The following POSTN variants were observed in gnomAD, a reference collection of about 807,000 sequenced individuals.
POSTN encodes periostin.
Under a neutral mutation model 104.5 loss-of-function variants are expected in POSTN, and 71 were observed. The observed-to-expected ratio is 0.68, with a 90% CI of 0.56 to 0.83. The LOEUF (loss-of-function observed/expected upper bound fraction) is 0.83. Ranked by LOEUF, POSTN falls within the 40% of genes least tolerant of loss-of-function variation. POSTN has a pLI of 0.00. For missense variants in POSTN, 949 were observed against 1,006.8 expected, an observed-to-expected ratio of 0.94 and a Z score of 0.78; for synonymous variants, 355 against 340.7, an observed-to-expected ratio of 1.04 and a Z score of -0.46.
chr13:37,577,827 A>G (rs1213952194), intron 15 of POSTN, 29 bp from the exon 16 acceptor site: 5 of 1,612,474 alleles, frequency 3.1e-6, no homozygotes, highest in African/African-American at 1.3e-5. Context: ...ATTTAGTAAC[A>G]TGAAAGGTGA....
intron 2 of POSTN, 61 bp downstream of exon 2, chr13:37,597,123 G>T: frequency 9.2e-7 from 1 of 1,082,726 alleles, no homozygotes. Context: ...CCAGGGGAAG[G>T]CATATACATC....
chr13:37,579,461 T>A (rs1950515822), intron 12 of POSTN, 102 bp from the exon 13 acceptor site: 5 of 948,460 alleles, frequency 5.3e-6, no homozygotes, highest in East Asian at 4.9e-5. Context: ...CATATTGTAC[T>A]TTCTCATAAT....
At position 37,563,352 on chromosome 13, in the gene POSTN, C is replaced by A; in HGVS notation, c.2492G>T (p.Arg831Met). 6.3e-7 allele frequency: 1 copy of A among 1,587,250 alleles called. No individual in the cohort carries two copies. The highest frequency in any genetic ancestry group is 2.2e-5 in the East Asian group (1 of 44,604). ...GGATTTTCACTGAGAACGACCTTCC[C>A]TTAATCGTCTTCTAGATCCTAATTA... ...KKVQGSRRRL[R>M]EGRSQ is the part of the protein sequence containing the mutation. The change falls in exon 23 of 23, where the codon AGG becomes ATG. Residue 831 changes from arginine to methionine, a missense_variant. Physicochemically the swap from Arg to Met is moderately conservative, Grantham distance 91. Coordinates refer to ENST00000379747, the MANE Select transcript of POSTN (RefSeq NM_006475.3).
chr13:37,594,622 C>G (rs1390012817), intron 2 of POSTN, among the ~76,000 whole-genome samples: 2 of 152,004 alleles, frequency 1.3e-5, no homozygotes, highest in African/African-American at 4.8e-5. Flanking sequence ...CTAAAAATAT[C>G]ACAGACATTC....
chr13:37,570,464 C>T, intron 19 of POSTN, 116 bp downstream of exon 19: 1 of 666,500 alleles, frequency 1.5e-6, no homozygotes, highest in Middle Eastern at 3.2e-4. Context: ...TATGAAGTAA[C>T]TTTAGTAATC....
Position 37,569,110 on chromosome 13 carries a change from T to A in POSTN, c.2431+190A>T. 2.0e-5 allele frequency: 9 copies of A among 445,432 alleles called. No homozygotes were observed. The South Asian group carries it at 4.1e-4, about 20-fold the overall frequency. The allele number at this position is 445,432 out of a possible 1,614,324, so 27.6% of individuals were successfully genotyped here. Reference sequence around the variant, plus strand: ...TACCATAGAACTTTTTAAAGACTGTTTAAACTAGTAATCATTTCTTCATAA... The same window carrying A: ...TACCATAGAACTTTTTAAAGACTGTATAAACTAGTAATCATTTCTTCATAA... On this transcript the variant is annotated intron_variant, in intron 21 of 22. Coordinates refer to ENST00000379747, the MANE Select transcript of POSTN (RefSeq NM_006475.3).
intron 9 of POSTN, among the ~76,000 whole-genome samples, chr13:37,583,717 G>A (rs892120020): frequency 6.6e-6 from 1 of 151,924 alleles, no homozygotes; most frequent in African/African-American, 2.4e-5. Context: ...GAGCCACCAC[G>A]CCTGGCCTGA....
intron 12 of POSTN, 96 bp downstream of exon 12, chr13:37,579,765 G>C: frequency 7.4e-7 from 1 of 1,346,204 alleles, no homozygotes; most frequent in Non-Finnish European, 1.0e-6. Context: ...ACCAGAGAGG[G>C]GGCATTTTTA....
intron 17 of POSTN, among the ~76,000 whole-genome samples, chr13:37,571,946 A>C (rs1950273332): frequency 6.6e-6 from 1 of 151,626 alleles, no homozygotes; most frequent in African/African-American, 2.4e-5. Context: ...GAACATAAGA[A>C]AGTACCAAAT....
At position 37,580,662 on chromosome 13, in the gene POSTN, C is replaced by G. The variant is rs2138272921; in HGVS notation, c.1428G>C (p.Gly476=). Residue 476 remains glycine, a synonymous_variant, in exon 11 of 23, where the codon GGG becomes GGC. Transcript: ENST00000379747. The part of the protein sequence containing the change: ...VCIENSCMEK[G]SKQGRNGAIH... ...TCGCACCGTTTCTCCCTTGCTTACT[C>G]CCTTTCTCCATGCATGAATTTTCAA... 7 of 1,614,046 alleles carry G rather than the reference C, an allele frequency of 4.3e-6. No individual in the cohort carries two copies. In the African/African-American group the frequency reaches 6.7e-5, roughly 15 times the overall value.
intron 20 of POSTN, 69 bp from the exon 21 acceptor site, chr13:37,569,452 A>G (rs1189422114): frequency 4.2e-6 from 5 of 1,189,168 alleles, no homozygotes; most frequent in Non-Finnish European, 5.0e-6. Context: ...ACTTTATGTC[A>G]TAAATAATGG....
intron 4 of POSTN, among the ~76,000 whole-genome samples, chr13:37,588,377 G>C (rs190792649): frequency 7.0e-6 from 1 of 143,328 alleles, no homozygotes; most frequent in Non-Finnish European, 1.5e-5. Flanking sequence ...TTTTAACAAG[G>C]GTTTCATGTT....
At chr13:37,591,667 G>A (rs181923114) in intron 3 of POSTN, among the ~76,000 whole-genome samples, 46 of 152,106 alleles carry the variant, frequency 3.0e-4, no homozygotes, top group Non-Finnish European at 7.4e-5. Context: ...CCATTTCAAA[G>A]AGGAAATAGA....
chr13:37,597,113 C>T lies in POSTN; in HGVS notation c.218+71G>A, dbSNP rs1593375927. Reference sequence around the variant, plus strand: ...TTTTCAAGAAGAATGGTGTGTACACCCAGGGGAAGGCATATACATCATGAT... The same window carrying T: ...TTTTCAAGAAGAATGGTGTGTACACTCAGGGGAAGGCATATACATCATGAT... On this transcript the variant is annotated intron_variant, in intron 2 of 22. Coordinates refer to ENST00000379747, the MANE Select transcript of POSTN (RefSeq NM_006475.3). 2.1e-5 allele frequency: 21 copies of T among 983,854 alleles called. No homozygotes were observed. In the East Asian group the frequency reaches 5.4e-4, roughly 25 times the overall value. 60.9% of individuals were successfully genotyped at this position (983,854 alleles called of 1,614,324 possible).
In POSTN at chr13:37,582,363, T is replaced by C. The variant is rs748766447; in HGVS notation, c.1392+3A>G. ...ACTTTTTATTTTGTTGTGATTCACT[T>C]ACTGTACGATATACGAAGACTCTGA... On this transcript the variant is annotated splice_donor_region_variant and intron_variant, in intron 10 of 22. Transcript: ENST00000379747. 2 of 1,599,010 alleles carry C rather than the reference T, an allele frequency of 1.3e-6. No homozygotes were observed. The highest frequency in any genetic ancestry group is 1.7e-6 in the Non-Finnish European group (2 of 1,176,140).
At chr13:37,584,364 C>T (rs1950685337) in intron 8 of POSTN, among the ~76,000 whole-genome samples, 1 of 152,154 alleles carries the variant, frequency 6.6e-6, no homozygotes, top group Non-Finnish European at 1.5e-5. Flanking sequence ...TATTGTTCAT[C>T]TCTCATCTTT....
At chr13:37,596,156 T>C (rs1262620889) in intron 2 of POSTN, among the ~76,000 whole-genome samples, 2 of 152,144 alleles carry the variant, frequency 1.3e-5, no homozygotes, top group African/African-American at 4.8e-5. Context: ...TTCTAATAAA[T>C]TATTCCACCC....
intron 2 of POSTN, 81 bp from the exon 3 acceptor site, chr13:37,592,245 C>G (rs1950956916): frequency 1.1e-6 from 1 of 888,166 alleles, no homozygotes; most frequent in Non-Finnish European, 1.7e-6. Context: ...AAATATTTCA[C>G]TTATTGACTT....
Position 37,577,783 on chromosome 13 carries a change from T to C in POSTN, c.1978A>G (p.Thr660Ala). The C allele has an allele frequency of 4.3e-6, 7 of 1,613,726 alleles. No individual in the cohort carries two copies. The highest frequency in any genetic ancestry group is 5.9e-6 in the Non-Finnish European group (7 of 1,179,774). ...ACAGTCACGGGGATTTCTTTGAAGG[T>C]GCTACCACGAACAAACTGAAAATAA... ...YIQIKFVRGS[T>A]FKEIPVTVYT... Residue 660 changes from threonine (T) to alanine (A), a missense_variant, in exon 16 of 23, where the codon ACC (threonine) becomes GCC (alanine). Thr to Ala is a moderately conservative substitution (Grantham distance 58). Coordinates refer to ENST00000379747, the MANE Select transcript of POSTN (RefSeq NM_006475.3).
Sources: allele counts gnomAD v4.1 joint callset (sites outside exome capture counted in the v4.1 genomes callset), GRCh38; gene constraint gnomAD v4.1.1; transcripts MANE v1.5; gene names NCBI Gene and HGNC (gene_info 2026-07-23, HGNC 2026-07-21).